Variants in RANBP3L observed in about 807,000 individuals in gnomAD.
RANBP3L encodes the protein RAN binding protein 3 like.
In RANBP3L, 56 loss-of-function variants were observed where a neutral mutation model predicts 67.2. The observed-to-expected ratio is 0.83, with a 90% CI of 0.67 to 1.04. The LOEUF is 1.04. Among genes scored for constraint, RANBP3L ranks in the 50% least tolerant of loss-of-function variants. The pLI is 0.00. For missense variants in RANBP3L, 496 were observed against 535.5 expected (o/e 0.93, Z 0.73); for synonymous variants, 164 against 181.4 (o/e 0.90, Z 0.77).
intron 1 of RANBP3L, among the ~76,000 whole-genome samples, chr5:36,297,959 T>C (rs1752343686): frequency 6.6e-6 from 1 of 152,006 alleles, no homozygotes; most frequent in South Asian, 2.1e-4. Context: ...AGTGACTAGG[T>C]GGAAGGACAC....
chr5:36,299,345 G>GTA (rs1468558874), intron 1 of RANBP3L, among the ~76,000 whole-genome samples: 1 of 143,450 alleles, frequency 7.0e-6, no homozygotes. Context: ...ATGTGTGTGT[G>GTA]TGTGTGTGTG....
At chr5:36,261,475 C>T (rs1749383386) in intron 7 of RANBP3L, among the ~76,000 whole-genome samples, 1 of 152,136 alleles carries the variant, frequency 6.6e-6, no homozygotes, top group South Asian at 2.1e-4. Context: ...TTTATATCCA[C>T]AGCTAGTTTT....
chr5:36,292,315 A>T (rs1340290732), intron 1 of RANBP3L, among the ~76,000 whole-genome samples: 1 of 151,738 alleles, frequency 6.6e-6, no homozygotes, highest in Non-Finnish European at 1.5e-5. Flanking sequence ...TTGTCAGATG[A>T]GTAGGCTGCG....
Position 36,252,401 on chromosome 5 carries a change from CAT to C in RANBP3L, c.1168-904_1168-903del, listed in dbSNP as rs139228388. On this transcript the variant is annotated intron_variant, in intron 12 of 13. Coordinates refer to ENST00000296604, the MANE Select transcript of RANBP3L (RefSeq NM_145000.5). ...TCATTAACATTGATAAGTAAAATAA[CAT>C]GTGTATTTCACAGTCATATTAGCTA... 0.013 allele frequency among the ~76,000 whole-genome samples: 1,913 copies of C among 152,110 alleles called. 138 individuals carry two copies. In the East Asian group the frequency reaches 0.21, roughly 17 times the overall value.
intron 1 of RANBP3L, among the ~76,000 whole-genome samples, chr5:36,296,224 T>C (rs377611726): frequency 2.6e-5 from 4 of 152,318 alleles, no homozygotes; most frequent in African/African-American, 9.6e-5. Context: ...TCTGAGGGGT[T>C]GTGGGACGTC....
chr5:36,268,210 A>G (rs773706225), intron 4 of RANBP3L: 1 of 1,536,686 alleles, frequency 6.5e-7, no homozygotes, highest in South Asian at 1.2e-5. Context: ...AGAATGGGGG[A>G]AGGTTGGGAG....
intron 1 of RANBP3L, among the ~76,000 whole-genome samples, chr5:36,289,908 C>T (rs1751593462): frequency 6.6e-6 from 1 of 151,910 alleles, no homozygotes; most frequent in Non-Finnish European, 1.5e-5. Flanking sequence ...CTAGGATCTC[C>T]AGTACACTGT....
At chr5:36,277,573 G>T in intron 1 of RANBP3L, among the ~76,000 whole-genome samples, 1 of 151,556 alleles carries the variant, frequency 6.6e-6, no homozygotes, top group East Asian at 1.9e-4. Context: ...ATATCTATCT[G>T]TATCTGTCTA....
chr5:36,294,880 A>G (rs1287643006), intron 1 of RANBP3L, among the ~76,000 whole-genome samples: 1 of 148,452 alleles, frequency 6.7e-6, no homozygotes, highest in Non-Finnish European at 1.5e-5. Context: ...TAGTGTATAT[A>G]TACACTATAT....
rs552943299 is a variant in RANBP3L, at chr5:36,257,373, T to C, written c.772+81A>G. ...TTATAGTAAATATTAATTTTACTTATATTAAATATTAATGTTAATAAATAA... is the reference window on the plus strand; with the variant it reads ...TTATAGTAAATATTAATTTTACTTACATTAAATATTAATGTTAATAAATAA... On this transcript the variant is annotated intron_variant, in intron 9 of 13. Coordinates refer to ENST00000296604, the MANE Select transcript of RANBP3L (RefSeq NM_145000.5). The C allele has an allele frequency of 1.3e-3, 621 of 494,296 alleles. 7 individuals carry two copies. Among genetic ancestry groups the C allele is most frequent in the African/African-American group, 0.012 (584 of 49,208 alleles). 30.6% of individuals were successfully genotyped at this position (494,296 alleles called of 1,614,324 possible). A position where few individuals can be genotyped will look rare whatever the true frequency, so the allele number is the denominator to read the frequency against.
chr5:36,266,941 G>A (rs923955340), intron 4 of RANBP3L, among the ~76,000 whole-genome samples: 10 of 152,106 alleles, frequency 6.6e-5, no homozygotes, highest in African/African-American at 2.4e-4. Flanking sequence ...ATTTTTAGCA[G>A]AGACCAGGTT....
At chr5:36,278,661 C>T (rs1054504422) in intron 1 of RANBP3L, among the ~76,000 whole-genome samples, 5 of 151,974 alleles carry the variant, frequency 3.3e-5, no homozygotes, top group South Asian at 2.1e-4. Flanking sequence ...CTATTCAAAC[C>T]GTATACTATA....
intron 8 of RANBP3L, among the ~76,000 whole-genome samples, chr5:36,259,200 T>C (rs1041679944): frequency 2.0e-5 from 3 of 152,152 alleles, no homozygotes; most frequent in African/African-American, 4.8e-5. Flanking sequence ...AGCTCTAGGA[T>C]TGGTGAGTTG....
At chr5:36,258,735 T>C (rs1008476887) in intron 8 of RANBP3L, among the ~76,000 whole-genome samples, 5 of 152,210 alleles carry the variant, frequency 3.3e-5, no homozygotes, top group Non-Finnish European at 5.9e-5. Flanking sequence ...AGTTTATTTG[T>C]ATAGGTATCT....
intron 1 of RANBP3L, among the ~76,000 whole-genome samples, chr5:36,292,340 T>A (rs888783772): frequency 2.6e-5 from 4 of 151,726 alleles, no homozygotes; most frequent in Admixed American, 2.6e-4. Flanking sequence ...TTTTCTCCCA[T>A]TTTGTAGGTT....
At chr5:36,295,602 C>T (rs1752150243) in intron 1 of RANBP3L, among the ~76,000 whole-genome samples, 1 of 151,782 alleles carries the variant, frequency 6.6e-6, no homozygotes, top group South Asian at 2.1e-4. Flanking sequence ...AGCAGCTCCA[C>T]CATTTTATCT....
intron 10 of RANBP3L, 112 bp downstream of exon 10, chr5:36,256,829 G>T (rs756131867): frequency 1.1e-6 from 1 of 946,504 alleles, no homozygotes; most frequent in South Asian, 1.9e-5. Context: ...AAGCAACTTA[G>T]TCTCCATGAA....
intron 3 of RANBP3L, 122 bp from the exon 4 acceptor site, chr5:36,269,589 T>A (rs1320519701): frequency 3.0e-6 from 2 of 677,322 alleles, no homozygotes; most frequent in Non-Finnish European, 5.3e-6. Flanking sequence ...GATAGCACAT[T>A]TTAAATATTG....
At chr5:36,286,696 T>A (rs1379811428) in intron 1 of RANBP3L, among the ~76,000 whole-genome samples, 2 of 152,190 alleles carry the variant, frequency 1.3e-5, no homozygotes, top group African/African-American at 4.8e-5. Context: ...ATAACTGTGA[T>A]AAAAATATTG....
Sources: allele counts gnomAD v4.1 joint callset (sites outside exome capture counted in the v4.1 genomes callset), GRCh38; gene constraint gnomAD v4.1.1; transcripts MANE v1.5; gene names NCBI Gene and HGNC (gene_info 2026-07-23, HGNC 2026-07-21).